Variants in PRKN observed in about 807,000 individuals in gnomAD.
PRKN encodes the protein E3 ubiquitin-protein ligase parkin.
Under a neutral mutation model 59.5 loss-of-function variants are expected in PRKN, and 56 were observed. The ratio of observed to expected loss-of-function variants is 0.94; its 90% CI spans 0.76 to 1.18. PRKN has a LOEUF of 1.18. Ranked by LOEUF, PRKN falls within the 50% of genes most tolerant of loss-of-function variation. The pLI is 0.00. For synonymous variants in PRKN, 250 were observed against 222.1 expected, an observed-to-expected ratio of 1.13 and a Z score of -1.12; for missense variants, 657 against 596.4, an observed-to-expected ratio of 1.10 and a Z score of -1.06.
chr6:162,107,591 C>T (rs915177459), intron 4 of PRKN, among the ~76,000 whole-genome samples: 2 of 152,208 alleles, frequency 1.3e-5, no homozygotes, highest in African/African-American at 4.8e-5. Flanking sequence ...GCCCAGTCAG[C>T]AACTTTATAA....
intron 3 of PRKN, among the ~76,000 whole-genome samples, chr6:162,241,073 A>G (rs1448587203): frequency 6.6e-6 from 1 of 152,190 alleles, no homozygotes; most frequent in African/African-American, 2.4e-5. Flanking sequence ...TAGAAAATGT[A>G]TGTTAAAGTT....
In PRKN at chr6:161,785,966, G is replaced by A. The variant is rs9458372; in HGVS notation, c.735-58C>T. On this transcript the variant is annotated intron_variant, in intron 6 of 11. Coordinates refer to ENST00000366898, the MANE Select transcript of PRKN (RefSeq NM_004562.3). ...ACCTGTCAGTGTGGAAAGGCAGCAC[G>A]TGCTTTAGACCAATTTCTGTAATCC... The A allele has an allele frequency of 0.013, 19,903 of 1,582,324 alleles. 2,091 individuals carry two copies. The African/African-American group carries it at 0.23, about 18-fold the overall frequency.
At chr6:162,072,688 T>C (rs536429564) in intron 4 of PRKN, among the ~76,000 whole-genome samples, 4 of 152,256 alleles carry the variant, frequency 2.6e-5, no homozygotes, top group Admixed American at 6.5e-5. Context: ...TGATAAACAG[T>C]GGTTTTGTGC....
At chr6:162,316,296 A>T (rs781246633) in intron 2 of PRKN, among the ~76,000 whole-genome samples, 1 of 152,018 alleles carries the variant, frequency 6.6e-6, no homozygotes, top group African/African-American at 2.4e-5. Flanking sequence ...CCCAGTCATG[A>T]TACCTCATGT....
At chr6:161,732,882 T>G (rs1787782182) in intron 7 of PRKN, among the ~76,000 whole-genome samples, 1 of 152,192 alleles carries the variant, frequency 6.6e-6, no homozygotes, top group Admixed American at 6.5e-5. Flanking sequence ...GTGAGCAGAT[T>G]GAGTTTGCCT....
chr6:161,659,048 C>T (rs1202466253), intron 7 of PRKN, among the ~76,000 whole-genome samples: 1 of 152,192 alleles, frequency 6.6e-6, no homozygotes, highest in Non-Finnish European at 1.5e-5. Flanking sequence ...TGTTTAACTG[C>T]CCCATAACTG....
At chr6:162,062,445 C>G (rs1301248498) in intron 4 of PRKN, among the ~76,000 whole-genome samples, 2 of 152,128 alleles carry the variant, frequency 1.3e-5, no homozygotes, top group South Asian at 4.1e-4. Context: ...TGCATCCCCT[C>G]AAAATTTATG....
intron 6 of PRKN, among the ~76,000 whole-genome samples, chr6:161,962,584 A>C (rs1780422967): frequency 6.9e-6 from 1 of 144,372 alleles, no homozygotes; most frequent in Non-Finnish European, 1.5e-5. Flanking sequence ...TCTGTCATCC[A>C]GGCTGGCAGT....
At chr6:161,806,398 C>T (rs1405714347) in intron 6 of PRKN, among the ~76,000 whole-genome samples, 2 of 152,200 alleles carry the variant, frequency 1.3e-5, no homozygotes, top group Non-Finnish European at 2.9e-5. Context: ...CATCATTTCT[C>T]CTTTCCCAAC....
intron 1 of PRKN, among the ~76,000 whole-genome samples, chr6:162,713,243 C>T (rs1778601984): frequency 6.6e-6 from 1 of 152,104 alleles, no homozygotes; most frequent in Non-Finnish European, 1.5e-5. Context: ...GCCTGTAATC[C>T]CAGCACTTTG....
intron 1 of PRKN, chr6:162,568,860 A>C (rs1780196277): frequency 1.4e-6 from 1 of 715,834 alleles, no homozygotes; most frequent in Admixed American, 1.8e-5. Context: ...GGATGAGATC[A>C]ATAAGTGTAC....
chr6:162,174,006 A>T (rs901252549), intron 4 of PRKN, among the ~76,000 whole-genome samples: 5 of 152,174 alleles, frequency 3.3e-5, no homozygotes, highest in African/African-American at 1.2e-4. Context: ...GAGCCACCAT[A>T]TATCCTGCTC....
intron 2 of PRKN, chr6:162,265,258 A>C (rs2128101127): frequency 6.6e-6 from 1 of 152,316 alleles, no homozygotes; most frequent in East Asian, 1.9e-4. Context: ...GCACGCCTGT[A>C]CATTAGTGCG....
intron 9 of PRKN, among the ~76,000 whole-genome samples, chr6:161,424,427 C>T (rs1788244415): frequency 6.6e-6 from 1 of 151,896 alleles, no homozygotes; most frequent in Admixed American, 6.6e-5. Context: ...GTTCATGGCT[C>T]CACAGAAGGG....
intron 7 of PRKN, among the ~76,000 whole-genome samples, chr6:161,761,194 CAATT>C (rs1419614738): frequency 3.9e-5 from 6 of 152,166 alleles, no homozygotes; most frequent in Admixed American, 6.5e-5. Context: ...TTGAATAAAT[CAATT>C]CTTTATTGTC....
intron 1 of PRKN, among the ~76,000 whole-genome samples, chr6:162,703,173 G>C (rs184355339): frequency 6.6e-6 from 1 of 152,140 alleles, no homozygotes; most frequent in African/African-American, 2.4e-5. Flanking sequence ...CTACATAAAA[G>C]TGAAAATTAA....
intron 1 of PRKN, among the ~76,000 whole-genome samples, chr6:162,469,544 C>T (rs939936882): frequency 4.6e-5 from 7 of 151,576 alleles, no homozygotes; most frequent in Middle Eastern, 3.4e-3. Context: ...ACATACTACT[C>T]AGCCATTAAA....
chr6:161,636,699 C>A (rs1783534367), intron 7 of PRKN, among the ~76,000 whole-genome samples: 1 of 152,138 alleles, frequency 6.6e-6, no homozygotes, highest in Admixed American at 6.5e-5. Context: ...TCAAGACCAG[C>A]CAGGGAAACA....
At chr6:162,302,459 A>G (rs143315690) in intron 2 of PRKN, among the ~76,000 whole-genome samples, 453 of 152,244 alleles carry the variant, frequency 3.0e-3, no homozygotes, top group Non-Finnish European at 4.8e-3. Flanking sequence ...ATTCAACAAG[A>G]AACAGATTGT....
Sources: gnomAD v4.1 joint callset for allele counts (sites outside exome capture counted in the v4.1 genomes callset) on GRCh38, gnomAD v4.1.1 for gene constraint, MANE v1.5 for transcripts, NCBI Gene and HGNC (gene_info 2026-07-23, HGNC 2026-07-21) for gene names.